Variants in SLC25A21 observed in about 807,000 individuals in gnomAD.
SLC25A21 encodes the protein mitochondrial 2-oxodicarboxylate carrier.
In SLC25A21, 47 loss-of-function variants were observed where a neutral mutation model predicts 43.8. The observed-to-expected ratio is 1.07, with a 90% confidence interval of 0.85 to 1.37. The LOEUF is 1.37. SLC25A21 is among the 40% of genes most tolerant of loss of function. The pLI is 0.00. For synonymous variants in SLC25A21, 131 were observed against 121.3 expected (o/e 1.08, Z -0.52); for missense variants, 352 against 350.2 (o/e 1.00, Z -0.04).
At chr14:36,837,790 T>C (rs1380671340) in intron 2 of SLC25A21, among the ~76,000 whole-genome samples, 1 of 152,150 alleles carries the variant, frequency 6.6e-6, no homozygotes, top group Non-Finnish European at 1.5e-5. Flanking sequence ...ACTGAAAGAC[T>C]TCCCACTCCC....
intron 2 of SLC25A21, among the ~76,000 whole-genome samples, chr14:36,830,518 AC>A (rs1177822008): frequency 6.6e-6 from 1 of 152,264 alleles, no homozygotes; most frequent in African/African-American, 2.4e-5. Context: ...TTTGGTGATA[AC>A]ACATGTATCC....
chr14:36,829,323 A>G (rs1888949770), intron 2 of SLC25A21, among the ~76,000 whole-genome samples: 1 of 152,150 alleles, frequency 6.6e-6, no homozygotes, highest in South Asian at 2.1e-4. Context: ...GCAGGTGACA[A>G]GAGGCAGGAG....
intron 1 of SLC25A21, among the ~76,000 whole-genome samples, chr14:37,062,541 T>C (rs1376546302): frequency 6.6e-6 from 1 of 152,038 alleles, no homozygotes; most frequent in Non-Finnish European, 1.5e-5. Flanking sequence ...GCAGTATGAG[T>C]AGAAGACTTG....
At chr14:36,744,719 C>T (rs1359325200) in intron 3 of SLC25A21, among the ~76,000 whole-genome samples, 1 of 152,072 alleles carries the variant, frequency 6.6e-6, no homozygotes, top group Admixed American at 6.6e-5. Flanking sequence ...AACAGACAGT[C>T]TACAGAATGA....
chr14:37,075,576 T>G (rs1320311641), intron 1 of SLC25A21, among the ~76,000 whole-genome samples: 1 of 152,158 alleles, frequency 6.6e-6, no homozygotes, highest in Non-Finnish European at 1.5e-5. Flanking sequence ...GGCACTCACT[T>G]TCCATATTAT....
rs141660655 is a variant in SLC25A21 at position 36,805,101 on chromosome 14, C to T, written c.203+8817G>A. ...TTGAGACACCAACCCTCCTAGAAGA[C>T]AACAATTTCCACTCAAACAACTGGT... is the stretch of plus-strand genomic sequence containing the variant. On this transcript the variant is annotated intron_variant, in intron 3 of 9. Coordinates refer to ENST00000331299, the MANE Select transcript of SLC25A21 (RefSeq NM_030631.4). 7.2e-5 allele frequency among the ~76,000 whole-genome samples: 11 copies of T among 152,298 alleles called. No homozygotes were observed. In the East Asian group the frequency reaches 2.1e-3, roughly 29 times the overall value.
rs1413231227 is a variant in SLC25A21, at chr14:37,006,765, T to C, written c.71-131761A>G. On this transcript the variant is annotated intron_variant, in intron 1 of 9. Coordinates refer to ENST00000331299, the MANE Select transcript of SLC25A21 (RefSeq NM_030631.4). Reference sequence around the variant, plus strand: ...GTAGTTACCCTTTTAAAAAAAGCTATATTAAATTGATGTCATATCTGATAA... The same window carrying C: ...GTAGTTACCCTTTTAAAAAAAGCTACATTAAATTGATGTCATATCTGATAA... 1.3e-5 allele frequency among the ~76,000 whole-genome samples: 2 copies of C among 152,178 alleles called. 1 individual carries two copies. Among genetic ancestry groups the C allele is most frequent in the Non-Finnish European group, 2.9e-5 (2 of 68,030 alleles).
chr14:36,712,098 C>T (rs1220343846), intron 6 of SLC25A21, among the ~76,000 whole-genome samples: 1 of 152,098 alleles, frequency 6.6e-6, no homozygotes, highest in African/African-American at 2.4e-5. Context: ...ACTTGGTTAC[C>T]ACCTTGAAAT....
At chr14:36,925,984 C>G (rs903383474) in intron 1 of SLC25A21, among the ~76,000 whole-genome samples, 1 of 152,110 alleles carries the variant, frequency 6.6e-6, no homozygotes, top group African/African-American at 2.4e-5. Flanking sequence ...TACAGAAGAC[C>G]TAACCATCAT....
chr14:36,702,443 AG>A (rs1369744184), intron 7 of SLC25A21, among the ~76,000 whole-genome samples: 1 of 137,264 alleles, frequency 7.3e-6, no homozygotes, highest in Non-Finnish European at 1.5e-5. Context: ...GTTGGAGATC[AG>A]TCTGGGCAAC....
intron 1 of SLC25A21, among the ~76,000 whole-genome samples, chr14:36,987,253 G>A (rs1960165763): frequency 6.6e-6 from 1 of 152,104 alleles, no homozygotes; most frequent in Non-Finnish European, 1.5e-5. Context: ...TGGCATTTTG[G>A]TGGGATTGCT....
In SLC25A21 at chr14:36,736,125, T is replaced by C. The variant is rs1373448452; in HGVS notation, c.204-1552A>G. 8.1e-4 allele frequency among the ~76,000 whole-genome samples: 123 copies of C among 151,914 alleles called. 1 individual carries two copies. Among genetic ancestry groups the C allele is most frequent in the Admixed American group, 6.6e-5 (1 of 15,266 alleles). On this transcript the variant is annotated intron_variant, in intron 3 of 9. Transcript: ENST00000331299. ...TAATTTTTTATATTTTTAGTAGAGA[T>C]GGGGTTTCACCGTGTTAGCCAGGAT... is the stretch of plus-strand genomic sequence containing the variant.
chr14:36,985,486 C>T (rs2138705589), intron 1 of SLC25A21, among the ~76,000 whole-genome samples: 1 of 152,274 alleles, frequency 6.6e-6, no homozygotes, highest in East Asian at 1.9e-4. Context: ...CTCCTTTAAT[C>T]TCAAATAATT....
At chr14:36,971,418 G>A (rs945873554) in intron 1 of SLC25A21, among the ~76,000 whole-genome samples, 10 of 152,128 alleles carry the variant, frequency 6.6e-5, no homozygotes, top group African/African-American at 2.2e-4. Flanking sequence ...ACAGTAGGGA[G>A]CAGACAAGAT....
intron 3 of SLC25A21, among the ~76,000 whole-genome samples, chr14:36,753,945 G>GAGAGAGAC (rs1555325818): frequency 6.6e-6 from 1 of 151,388 alleles, no homozygotes; most frequent in Non-Finnish European, 1.5e-5. Flanking sequence ...GAGAGAGAGA[G>GAGAGAGAC]AGAGAGAGAG....
At chr14:36,929,887 A>G (rs1892241442) in intron 1 of SLC25A21, among the ~76,000 whole-genome samples, 1 of 152,148 alleles carries the variant, frequency 6.6e-6, no homozygotes, top group Non-Finnish European at 1.5e-5. Context: ...ATGACACCAT[A>G]TTACCTCCAA....
chr14:37,019,939 C>A (rs1462550259), intron 1 of SLC25A21, among the ~76,000 whole-genome samples: 1 of 151,816 alleles, frequency 6.6e-6, no homozygotes, highest in Non-Finnish European at 1.5e-5. Flanking sequence ...AAAGACAAAT[C>A]TGTAGTTCTA....
At chr14:36,760,719 C>G (rs542485072) in intron 3 of SLC25A21, among the ~76,000 whole-genome samples, 1 of 152,152 alleles carries the variant, frequency 6.6e-6, no homozygotes, top group African/African-American at 2.4e-5. Context: ...TGTCTAACTC[C>G]GTCACTCATG....
chr14:37,017,603 C>A (rs114551996), intron 1 of SLC25A21, among the ~76,000 whole-genome samples: 2 of 152,030 alleles, frequency 1.3e-5, no homozygotes, highest in African/African-American at 4.8e-5. Context: ...TTTCCAGACA[C>A]AGGGTTGCCG....
Sources: allele counts gnomAD v4.1 joint callset (sites outside exome capture counted in the v4.1 genomes callset), GRCh38; gene constraint gnomAD v4.1.1; transcripts MANE v1.5; gene names NCBI Gene and HGNC (gene_info 2026-07-23, HGNC 2026-07-21).